The following PCOLCE2 variants were observed in gnomAD, a reference collection of about 807,000 sequenced individuals.
PCOLCE2 encodes the protein procollagen C-proteinase enhancer 2.
A neutral mutation model predicts 47.0 loss-of-function variants in PCOLCE2; 42 were observed. The ratio of observed to expected loss-of-function variants is 0.89; its 90% CI spans 0.70 to 1.16. The LOEUF (loss-of-function observed/expected upper bound fraction) is 1.16. PCOLCE2 is among the 50% of genes most tolerant of loss of function. The pLI, the probability that PCOLCE2 is intolerant of heterozygous loss-of-function variation, is 0.00. For synonymous variants in PCOLCE2, 169 were observed against 191.7 expected, an observed-to-expected ratio of 0.88 and a Z score of 0.98; for missense variants, 500 against 526.1, an observed-to-expected ratio of 0.95 and a Z score of 0.49.
In PCOLCE2 at chr3:142,854,977, TG is replaced by T. The variant is rs1247070971; in HGVS notation, c.193-6506del. ...CATCTTTCTCCTTCAAGCAACAACTTGGCTGTCATGCCACTTTTCTGTTCAA... is the reference window on the plus strand; with the variant it reads ...CATCTTTCTCCTTCAAGCAACAACTTGCTGTCATGCCACTTTTCTGTTCAA... On this transcript the variant is annotated intron_variant, in intron 2 of 8. Coordinates refer to ENST00000295992, the MANE Select transcript of PCOLCE2 (RefSeq NM_013363.4). 3.9e-5 allele frequency among the ~76,000 whole-genome samples: 6 copies of T among 152,352 alleles called. No individual in the cohort carries two copies. In the South Asian group the frequency reaches 1.2e-3, roughly 32 times the overall value.
intron 6 of PCOLCE2, chr3:142,827,496 T>C (rs545477300): frequency 1.7e-5 from 25 of 1,501,686 alleles, no homozygotes; most frequent in Non-Finnish European, 1.9e-6. Flanking sequence ...CAGGACAGCT[T>C]GCTACGGCCT....
At chr3:142,877,388 TACCAACCAGCTTGAA>T (rs1254438978) in intron 2 of PCOLCE2, among the ~76,000 whole-genome samples, 1 of 152,228 alleles carries the variant, frequency 6.6e-6, no homozygotes, top group African/African-American at 2.4e-5. Context: ...CCAAATGGAT[TACCAACCAGCTTGAA>T]ACAAGTTGGC....
intron 6 of PCOLCE2, chr3:142,826,964 C>T (rs886799062): frequency 2.7e-5 from 14 of 518,334 alleles, no homozygotes; most frequent in East Asian, 8.5e-5. Flanking sequence ...GGTTAATCTC[C>T]GCGCCTCTCC....
In PCOLCE2 at chr3:142,831,644, T is replaced by G. The variant is rs2108188722; in HGVS notation, c.711-1798A>C. Among the ~76,000 whole-genome samples, 2 of 152,276 alleles carry G rather than the reference T, an allele frequency of 1.3e-5. 1 individual carries two copies. Among genetic ancestry groups the G allele is most frequent in the South Asian group, 4.1e-4 (2 of 4,822 alleles). ...CATTAAATAAATAAAAACAATGCAC[T>G]ACACACAATTCTAACCTACAATTAC... On this transcript the variant is annotated intron_variant, in intron 5 of 8. Coordinates refer to ENST00000295992, the MANE Select transcript of PCOLCE2 (RefSeq NM_013363.4).
intron 2 of PCOLCE2, among the ~76,000 whole-genome samples, chr3:142,861,784 G>A (rs1301566899): frequency 1.3e-5 from 2 of 152,228 alleles, no homozygotes; most frequent in Admixed American, 1.3e-4. Flanking sequence ...GAGGCTGACT[G>A]GAAGCTCTGT....
intron 2 of PCOLCE2, among the ~76,000 whole-genome samples, chr3:142,873,017 A>T (rs143389388): frequency 3.9e-5 from 6 of 152,354 alleles, no homozygotes; most frequent in African/African-American, 1.2e-4. Flanking sequence ...TCAATTCTAT[A>T]AATGTTAGAA....
At chr3:142,885,343 C>T (rs1933701215) in intron 2 of PCOLCE2, among the ~76,000 whole-genome samples, 1 of 152,240 alleles carries the variant, frequency 6.6e-6, no homozygotes, top group African/African-American at 2.4e-5. Context: ...CACTCTGAGG[C>T]TTTCCCATCT....
At chr3:142,837,934 C>T (rs140897354) in intron 5 of PCOLCE2, among the ~76,000 whole-genome samples, 1 of 152,310 alleles carries the variant, frequency 6.6e-6, no homozygotes, top group East Asian at 1.9e-4. Flanking sequence ...AGGCATAAGG[C>T]CTCAAACAGT....
chr3:142,848,711 A>G (rs1937356819), intron 2 of PCOLCE2, among the ~76,000 whole-genome samples: 1 of 152,212 alleles, frequency 6.6e-6, no homozygotes, highest in African/African-American at 2.4e-5. Context: ...TTCCTTAAGA[A>G]CTTACCTCAA....
At chr3:142,861,603 T>C (rs1249932967) in intron 2 of PCOLCE2, among the ~76,000 whole-genome samples, 1 of 152,228 alleles carries the variant, frequency 6.6e-6, no homozygotes, top group Non-Finnish European at 1.5e-5. Flanking sequence ...TCTTTTCACA[T>C]CTCCCTGAGG....
chr3:142,827,093 G>C, intron 6 of PCOLCE2: 1 of 1,374,966 alleles, frequency 7.3e-7, no homozygotes, highest in Non-Finnish European at 1.0e-6. Context: ...GAGCCCCTTA[G>C]CACTAGTTCT....
At chr3:142,870,706 A>ATT (rs200280430) in intron 2 of PCOLCE2, among the ~76,000 whole-genome samples, 13,990 of 135,268 alleles carry the variant, frequency 0.1, 804 homozygotes, top group African/African-American at 0.15. Context: ...GAATGAGGCA[A>ATT]TTTTTTTTTT....
Position 142,829,760 on chromosome 3 carries a change from A to T in PCOLCE2, c.797T>A (p.Ile266Lys), listed in dbSNP as rs2108187845. 1.2e-6 allele frequency: 2 copies of T among 1,611,402 alleles called. No individual in the cohort carries two copies. The highest frequency in any genetic ancestry group is 1.1e-5 in the South Asian group (1 of 90,678). The change falls in exon 6 of 9, where the codon ATA becomes AAA. Residue 266 changes from isoleucine (I) to lysine (K), a missense_variant. Coordinates refer to ENST00000295992, the MANE Select transcript of PCOLCE2 (RefSeq NM_013363.4). ...LTADGFIGHY[I>K]FRPKKLPTTT... ...TGTAGGCAGTTTTTTTGGCCTGAAT[A>T]TGTAGTGACCAATAAACCCATCTGC...
intron 6 of PCOLCE2, chr3:142,827,474 T>A (rs1305473650): frequency 1.6e-5 from 24 of 1,518,660 alleles, no homozygotes; most frequent in Non-Finnish European, 2.1e-5. Flanking sequence ...AGTGGCATAG[T>A]TCCCTGATGC....
At chr3:142,840,105 A>G (rs1937249983) in intron 4 of PCOLCE2, among the ~76,000 whole-genome samples, 1 of 152,186 alleles carries the variant, frequency 6.6e-6, no homozygotes, top group African/African-American at 2.4e-5. Flanking sequence ...GGGAAGTGGA[A>G]TTGATGGCAG....
At chr3:142,887,210 C>T (rs1933733919) in intron 2 of PCOLCE2, 1 of 152,564 alleles carries the variant, frequency 6.6e-6, no homozygotes, top group African/African-American at 2.4e-5. Flanking sequence ...AACCCAGGAA[C>T]ATTAAGTGGG....
chr3:142,838,505 A>C (rs1937229529), intron 5 of PCOLCE2, among the ~76,000 whole-genome samples: 1 of 151,982 alleles, frequency 6.6e-6, no homozygotes. Context: ...ATGATTGTAC[A>C]TTTCCTGAGT....
intron 2 of PCOLCE2, among the ~76,000 whole-genome samples, chr3:142,852,793 G>A (rs953049474): frequency 6.7e-6 from 1 of 150,196 alleles, no homozygotes; most frequent in Non-Finnish European, 1.5e-5. Flanking sequence ...AAAATGCACA[G>A]TGACTTTTTG....
At chr3:142,880,025 A>T (rs1429151754) in intron 2 of PCOLCE2, among the ~76,000 whole-genome samples, 1 of 150,952 alleles carries the variant, frequency 6.6e-6, no homozygotes, top group African/African-American at 2.4e-5. Flanking sequence ...TACTTTCTGG[A>T]TTAAAAAATA....
Sources: gnomAD v4.1 joint callset for allele counts (sites outside exome capture counted in the v4.1 genomes callset) on GRCh38, gnomAD v4.1.1 for gene constraint, MANE v1.5 for transcripts, NCBI Gene and HGNC (gene_info 2026-07-23, HGNC 2026-07-21) for gene names.